LRP1B: variants seen among roughly 807,000 people sequenced by gnomAD.
The protein encoded by LRP1B is low-density lipoprotein receptor-related protein 1B.
LRP1B carries 217 observed loss-of-function variants against 556.6 expected under a neutral mutation model. The observed-to-expected ratio is 0.39, with a 90% CI of 0.35 to 0.44. LRP1B has a LOEUF of 0.44. Among genes scored for constraint, LRP1B ranks in the 20% least tolerant of loss-of-function variants. LRP1B has a pLI of 1.00. For synonymous variants in LRP1B, 2,047 were observed against 1,865.8 expected, an observed-to-expected ratio of 1.10 and a Z score of -2.50; for missense variants, 5,053 against 5,620.8, an observed-to-expected ratio of 0.90 and a Z score of 3.23.
At chr2:140,806,947 C>A (rs1486123) in intron 32 of LRP1B, among the ~76,000 whole-genome samples, 11 of 152,168 alleles carry the variant, frequency 7.2e-5, no homozygotes, top group Admixed American at 5.9e-4. Flanking sequence ...AGTGTAAATA[C>A]AATATATGCA....
At chr2:140,871,796 T>C (rs1447923695) in intron 25 of LRP1B, among the ~76,000 whole-genome samples, 1 of 152,122 alleles carries the variant, frequency 6.6e-6, no homozygotes, top group Non-Finnish European at 1.5e-5. Flanking sequence ...CTTCTTTTTT[T>C]TCCACCATGA....
rs1682531102 is a variant in LRP1B at position 140,361,830 on chromosome 2, TCTTTC to T, written c.11131+2826_11131+2830del. Among the ~76,000 whole-genome samples the T allele has an allele frequency of 5.9e-5, 9 of 151,670 alleles. No individual in the cohort carries two copies. The South Asian group carries it at 1.9e-3, about 32-fold the overall frequency. On this transcript the variant is annotated intron_variant, in intron 72 of 90. Coordinates refer to ENST00000389484, the MANE Select transcript of LRP1B (RefSeq NM_018557.3). ...GTTGAATTTATATCTGTAGACTACC[TCTTTC>T]CTTTCAATGTGAGATTCAAGCATCT...
chr2:141,197,421 C>T (rs1321530533), intron 6 of LRP1B, among the ~76,000 whole-genome samples: 3 of 152,060 alleles, frequency 2.0e-5, no homozygotes, highest in African/African-American at 4.8e-5. Flanking sequence ...TTATCTGCTC[C>T]TTATTGTCCG....
chr2:141,923,201 T>C (rs1700234117), intron 1 of LRP1B, among the ~76,000 whole-genome samples: 1 of 151,644 alleles, frequency 6.6e-6, no homozygotes, highest in South Asian at 2.1e-4. Context: ...CACAAAACAA[T>C]GAAAATAGCA....
In LRP1B at chr2:140,324,142, G is replaced by A. The variant is rs544322599; in HGVS notation, c.12341-76C>T. ...TTTAAAAACTATGTTTATCCAAGAC[G>A]ATATTGAAAACCTTATTACTGTTTA... is the stretch of plus-strand genomic sequence containing the variant. On this transcript the variant is annotated intron_variant, in intron 80 of 90. Coordinates refer to ENST00000389484, the MANE Select transcript of LRP1B (RefSeq NM_018557.3). The A allele has an allele frequency of 7.7e-5, 67 of 873,464 alleles. No homozygotes were observed. The Admixed American group carries it at 9.8e-4, about 13-fold the overall frequency. The allele number at this position is 873,464 out of a possible 1,614,324, so 54.1% of individuals were successfully genotyped here. A position where few individuals can be genotyped will look rare whatever the true frequency, so the allele number is the denominator to read the frequency against.
At chr2:141,691,382 T>C (rs1028640462) in intron 2 of LRP1B, among the ~76,000 whole-genome samples, 1 of 150,788 alleles carries the variant, frequency 6.6e-6, no homozygotes, top group African/African-American at 2.4e-5. Context: ...TAGGCTGAAC[T>C]GTCCCAGTGA....
intron 1 of LRP1B, among the ~76,000 whole-genome samples, chr2:142,117,369 G>A (rs540824084): frequency 2.4e-4 from 37 of 152,196 alleles, no homozygotes; most frequent in African/African-American, 7.9e-4. Flanking sequence ...TCTTCTTTCC[G>A]AACCCACATC....
intron 2 of LRP1B, among the ~76,000 whole-genome samples, chr2:141,697,853 A>G (rs1401807892): frequency 1.3e-5 from 2 of 151,994 alleles, no homozygotes; most frequent in Non-Finnish European, 2.9e-5. Context: ...CATCAGCAGG[A>G]GGAAGGTACA....
chr2:141,568,713 T>C (rs1306021676), intron 2 of LRP1B, among the ~76,000 whole-genome samples: 1 of 151,288 alleles, frequency 6.6e-6, no homozygotes, highest in African/African-American at 2.4e-5. Flanking sequence ...ATATGTTAAT[T>C]TGTTCATTTA....
At chr2:140,435,372 C>A (rs1686129669) in intron 66 of LRP1B, among the ~76,000 whole-genome samples, 1 of 152,046 alleles carries the variant, frequency 6.6e-6, no homozygotes, top group South Asian at 2.1e-4. Flanking sequence ...AGCAGCATTA[C>A]AAAGATGAGT....
chr2:140,976,501 TC>T (rs1553440470), intron 18 of LRP1B, among the ~76,000 whole-genome samples: 5 of 140,626 alleles, frequency 3.6e-5, no homozygotes, highest in African/African-American at 5.8e-5. Context: ...TTTTTTTTTT[TC>T]CTTTTTTTTT....
At chr2:141,300,540 A>G (rs545967129) in intron 3 of LRP1B, among the ~76,000 whole-genome samples, 3 of 152,164 alleles carry the variant, frequency 2.0e-5, no homozygotes, top group African/African-American at 7.2e-5. Context: ...GATAGCCTCA[A>G]TGTTGAAGGT....
chr2:141,112,056 AAATAAATAAATAAAT>A (rs972394176), intron 7 of LRP1B, among the ~76,000 whole-genome samples: 3 of 97,900 alleles, frequency 3.1e-5, no homozygotes, highest in Middle Eastern at 4.8e-3. Context: ...AAAAATAAAT[AAATAAATAAATAAAT>A]AATAAATAAA....
At chr2:140,455,858 C>T (rs1336959642) in intron 62 of LRP1B, among the ~76,000 whole-genome samples, 1 of 152,098 alleles carries the variant, frequency 6.6e-6, no homozygotes, top group African/African-American at 2.4e-5. Context: ...TCACGTGTTA[C>T]AAAGTACAGT....
intron 3 of LRP1B, among the ~76,000 whole-genome samples, chr2:141,281,244 TTTATC>T (rs1380747132): frequency 2.6e-5 from 4 of 152,032 alleles, no homozygotes; most frequent in Non-Finnish European, 1.5e-5. Context: ...GCAGCTGGCT[TTTATC>T]TTACATTAGT....
intron 55 of LRP1B, among the ~76,000 whole-genome samples, chr2:140,499,775 G>T (rs921551311): frequency 4.0e-5 from 6 of 151,792 alleles, no homozygotes; most frequent in Non-Finnish European, 8.8e-5. Context: ...GTTTAGAAAA[G>T]GTACAGTAAA....
rs201825848 is a variant in LRP1B at position 140,442,504 on chromosome 2, C to T, written c.10414G>A (p.Asp3472Asn). 68 of 1,611,192 alleles carry T rather than the reference C, an allele frequency of 4.2e-5. No homozygotes were observed. The highest frequency in any genetic ancestry group is 4.8e-5 in the Non-Finnish European group (57 of 1,178,822). The change falls in exon 66 of 91, where the codon GAT becomes AAT. Residue 3472 changes from aspartate (D) to asparagine (N), a missense_variant and splice_region_variant. Asp to Asn is a conservative substitution (Grantham distance 23, BLOSUM62 1). Around this residue, in one of 5 missense-constraint regions of LRP1B, gnomAD observed 262 missense variants for 395.1 expected, o/e 0.66. Coordinates refer to ENST00000389484, the MANE Select transcript of LRP1B (RefSeq NM_018557.3). Reference sequence around the variant, plus strand: ...AAGACCCAGAGTCACAGACACTCACCGCAGTTGGCCTCGTCTGATGCATCT... The same window carrying T: ...AAGACCCAGAGTCACAGACACTCACTGCAGTTGGCCTCGTCTGATGCATCT... Reference protein sequence around the residue: ...CADASDEANCDKKTCGPHEFQ... With the variant: ...CADASDEANCNKKTCGPHEFQ...
intron 32 of LRP1B, among the ~76,000 whole-genome samples, chr2:140,788,715 G>T (rs919185525): frequency 3.3e-5 from 5 of 152,194 alleles, no homozygotes; most frequent in African/African-American, 9.6e-5. Context: ...TCTAAAGAGG[G>T]TTAGTTTAGG....
At chr2:140,266,791 CTATT>C (rs1047973004) in intron 86 of LRP1B, among the ~76,000 whole-genome samples, 1 of 151,998 alleles carries the variant, frequency 6.6e-6, no homozygotes, top group Non-Finnish European at 1.5e-5. Flanking sequence ...TCATTGATCT[CTATT>C]TAATTGTTTT....
Sources: gnomAD v4.1 joint callset for allele counts (sites outside exome capture counted in the v4.1 genomes callset) on GRCh38, gnomAD v4.1.1 for gene constraint, gnomAD v4.1.1 regional missense constraint, MANE v1.5 for transcripts, NCBI Gene and HGNC (gene_info 2026-07-23, HGNC 2026-07-21) for gene names.